ZNF329: variants seen among roughly 807,000 people sequenced by gnomAD.
ZNF329 encodes zinc finger protein 329.
Under a neutral mutation model 26.6 loss-of-function variants are expected in ZNF329, and 15 were observed. That is an observed-to-expected ratio of 0.56 (90% CI 0.38 to 0.87). The LOEUF is 0.87. Ranked by LOEUF, ZNF329 falls within the 40% of genes least tolerant of loss-of-function variation. The probability of loss-of-function intolerance (pLI) is 0.00; values close to 1 mark genes in which losing one functional copy is unlikely to be tolerated. For synonymous variants in ZNF329, 239 were observed against 233.5 expected (o/e 1.02, Z -0.21); for missense variants, 651 against 651.9 (o/e 1.00, Z 0.02).
At chr19:58,145,330 T>G (rs1276848289) in intron 1 of ZNF329, among the ~76,000 whole-genome samples, 2 of 123,240 alleles carry the variant, frequency 1.6e-5, no homozygotes, top group Non-Finnish European at 3.6e-5. Flanking sequence ...TTTTTTTTTT[T>G]TTTTTTTTGG....
At chr19:58,137,416 T>C (rs1471334293) in intron 3 of ZNF329, among the ~76,000 whole-genome samples, 5 of 151,786 alleles carry the variant, frequency 3.3e-5, no homozygotes, top group African/African-American at 1.2e-4. Flanking sequence ...TAGCCAGGCA[T>C]GGTGGCAGGT....
At chr19:58,131,109 A>ATGTGTGTGTGTG (rs1397885691) in intron 3 of ZNF329, among the ~76,000 whole-genome samples, 15 of 147,360 alleles carry the variant, frequency 1.0e-4, no homozygotes, top group African/African-American at 3.7e-4. Context: ...ATATACATGT[A>ATGTGTGTGTGTG]TATGTGTATA....
intron 3 of ZNF329, among the ~76,000 whole-genome samples, chr19:58,133,103 C>T (rs184783601): frequency 5.3e-5 from 8 of 152,278 alleles, no homozygotes; most frequent in East Asian, 1.9e-4. Flanking sequence ...TGAGCCACCG[C>T]GCCTGGCCAA....
At chr19:58,148,101 T>C (rs2075366782) in intron 1 of ZNF329, among the ~76,000 whole-genome samples, 1 of 151,888 alleles carries the variant, frequency 6.6e-6, no homozygotes, top group African/African-American at 2.4e-5. Flanking sequence ...CCCCCAACCC[T>C]GTGCTCTCTG....
chr19:58,147,126 C>T (rs1803040414), intron 1 of ZNF329, among the ~76,000 whole-genome samples: 1 of 151,740 alleles, frequency 6.6e-6, no homozygotes, highest in African/African-American at 2.4e-5. Context: ...GCCCGGCCGC[C>T]CATCGTCTGA....
At chr19:58,145,378 G>A (rs1398631617) in intron 1 of ZNF329, among the ~76,000 whole-genome samples, 1 of 139,104 alleles carries the variant, frequency 7.2e-6, no homozygotes, top group African/African-American at 2.8e-5. Context: ...CTGGAGTGTA[G>A]TGGCATGATC....
At position 58,129,101 on chromosome 19, in the gene ZNF329, C is replaced by T; in HGVS notation, c.403G>A (p.Val135Ile). 1.2e-6 allele frequency: 2 copies of T among 1,614,012 alleles called. No homozygotes were observed. Among genetic ancestry groups the T allele is most frequent in the East Asian group, 2.2e-5 (1 of 44,884 alleles). The change falls in exon 4 of 4, where the codon GTT becomes ATT. Residue 135 changes from valine to isoleucine, a missense_variant. Transcript: ENST00000598312. Reference sequence around the variant, plus strand: ...CTCACTGGATTTCTTCCATGAATAACTTCCATGGAATGGTTGAAGCCTTTT... The same window carrying T: ...CTCACTGGATTTCTTCCATGAATAATTTCCATGGAATGGTTGAAGCCTTTT... ...CGKGFNHSME[V>I]IHGRNPVREK...
intron 3 of ZNF329, among the ~76,000 whole-genome samples, chr19:58,135,976 T>C (rs1424810642): frequency 6.6e-6 from 1 of 152,172 alleles, no homozygotes; most frequent in African/African-American, 2.4e-5. Flanking sequence ...TCATGCCTTG[T>C]AATCCCAGCA....
intron 1 of ZNF329, among the ~76,000 whole-genome samples, chr19:58,148,438 T>C (rs1462043355): frequency 1.3e-5 from 2 of 151,502 alleles, no homozygotes; most frequent in African/African-American, 4.9e-5. Flanking sequence ...TTTCCCTGTT[T>C]CTTCTTTTCC....
chr19:58,133,814 C>T (rs943844703), intron 3 of ZNF329, among the ~76,000 whole-genome samples: 2 of 150,540 alleles, frequency 1.3e-5, no homozygotes, highest in African/African-American at 4.9e-5. Flanking sequence ...GTCTGGGCAA[C>T]ACAGTGAGAT....
rs150006226 is a variant in ZNF329 at position 58,133,923 on chromosome 19, T to C, written c.-8-4412A>G. 1.5e-4 allele frequency among the ~76,000 whole-genome samples: 23 copies of C among 152,160 alleles called. No individual in the cohort carries two copies. The East Asian group carries it at 3.5e-3, about 23-fold the overall frequency. On this transcript the variant is annotated intron_variant, in intron 3 of 3. Transcript: ENST00000598312. ...AAATCACGACTTGGAATTAATGGGA[T>C]AGACTAATATACTAGACAACAGTGG...
Position 58,129,098 on chromosome 19 carries a change from T to A in ZNF329, c.406A>T (p.Ile136Phe). The A allele has an allele frequency of 6.2e-7, 1 of 1,614,062 alleles. No homozygotes were observed. The highest frequency in any genetic ancestry group is 8.5e-7 in the Non-Finnish European group (1 of 1,180,030). The change falls in exon 4 of 4, where the codon ATT becomes TTT. Residue 136 changes from isoleucine to phenylalanine, a missense_variant. Ile to Phe is a conservative substitution (Grantham distance 21). Transcript: ENST00000598312. Reference protein sequence around the residue: ...GKGFNHSMEVIHGRNPVREKP... With the variant: ...GKGFNHSMEVFHGRNPVREKP... ...TCTCTCACTGGATTTCTTCCATGAA[T>A]AACTTCCATGGAATGGTTGAAGCCT...
intron 1 of ZNF329, among the ~76,000 whole-genome samples, chr19:58,148,908 G>A (rs2075387766): frequency 6.6e-6 from 1 of 152,166 alleles, no homozygotes. Context: ...TGTCAGAGGC[G>A]TTTGAACCAA....
At chr19:58,135,029 G>A (rs2075033024) in intron 3 of ZNF329, among the ~76,000 whole-genome samples, 1 of 152,084 alleles carries the variant, frequency 6.6e-6, no homozygotes, top group South Asian at 2.1e-4. Context: ...AGGATAGTGG[G>A]AAATTTTATT....
chr19:58,127,102 G>C lies in ZNF329; in HGVS notation c.*776C>G, dbSNP rs1469604430. 1 of 152,172 alleles carries C rather than the reference G, an allele frequency of 6.6e-6. No individual in the cohort carries two copies. Among genetic ancestry groups the C allele is most frequent in the Non-Finnish European group, 1.5e-5 (1 of 68,046 alleles). The allele number at this position is 152,172 out of a possible 1,614,324, so 9.4% of individuals were successfully genotyped here. A position where few individuals can be genotyped will look rare whatever the true frequency, so the allele number is the denominator to read the frequency against. On this transcript the variant is annotated 3_prime_UTR_variant, in exon 4 of 4. Transcript: ENST00000598312. ...AACAGGAAAATCTCACACATTCTGTGGTGTGTGCAGTACAGCACTGTGTGG... is the reference window on the plus strand; with the variant it reads ...AACAGGAAAATCTCACACATTCTGTCGTGTGTGCAGTACAGCACTGTGTGG...
intron 3 of ZNF329, among the ~76,000 whole-genome samples, chr19:58,135,439 G>A (rs2075042845): frequency 6.6e-6 from 1 of 151,988 alleles, no homozygotes; most frequent in African/African-American, 2.4e-5. Context: ...GCTAATTTTT[G>A]TATTTTTAGT....
intron 3 of ZNF329, among the ~76,000 whole-genome samples, chr19:58,137,285 G>A (rs1046700301): frequency 2.6e-5 from 4 of 152,070 alleles, no homozygotes; most frequent in Non-Finnish European, 4.4e-5. Context: ...TGGGCACGGC[G>A]GCTCACACCT....
In ZNF329 at chr19:58,129,134, C is replaced by T; in HGVS notation, c.370G>A (p.Ala124Thr). ...YADKRTGDSD[A>T]CGKGFNHSME... ...GAATGGTTGAAGCCTTTTCCACAGG[C>T]ATCACTGTCACCAGTTCTCTTATCT... The change falls in exon 4 of 4, where the codon GCC (alanine) becomes ACC (threonine). Residue 124 changes from alanine to threonine, a missense_variant. Transcript: ENST00000598312. 5.6e-6 allele frequency: 9 copies of T among 1,614,118 alleles called. No individual in the cohort carries two copies. The Middle Eastern group carries it at 1.5e-3, about 266-fold the overall frequency.
Position 58,149,904 on chromosome 19 carries a change from T to C in ZNF329, c.-208+848A>G, listed in dbSNP as rs573400892. Among the ~76,000 whole-genome samples, 11 of 152,294 alleles carry C rather than the reference T, an allele frequency of 7.2e-5. No homozygotes were observed. The South Asian group carries it at 1.9e-3, about 26-fold the overall frequency. ...ATTCATGGTAAGCATAGTGAGGTGT[T>C]TGAGGGAGAAGTGTTGTGATATCTG... On this transcript the variant is annotated intron_variant, in intron 1 of 3. Transcript: ENST00000598312.
Sources: gnomAD v4.1 joint callset for allele counts (sites outside exome capture counted in the v4.1 genomes callset) on GRCh38, gnomAD v4.1.1 for gene constraint, MANE v1.5 for transcripts, NCBI Gene and HGNC (gene_info 2026-07-23, HGNC 2026-07-21) for gene names.